Variants in MCTP1 observed in about 807,000 individuals in gnomAD.
The protein encoded by MCTP1 is multiple C2 and transmembrane domain-containing protein 1.
MCTP1 carries 69 observed loss-of-function variants against 120.6 expected under a neutral mutation model. The observed-to-expected ratio is 0.57, with a 90% confidence interval of 0.47 to 0.70. The LOEUF (loss-of-function observed/expected upper bound fraction) is 0.70. Ranked by LOEUF, MCTP1 falls within the 30% of genes least tolerant of loss-of-function variation. MCTP1 has a pLI of 0.00. For synonymous variants in MCTP1, 529 were observed against 493.1 expected (o/e 1.07, Z -0.96); for missense variants, 1,203 against 1,248.8 (o/e 0.96, Z 0.55).
intron 1 of MCTP1, among the ~76,000 whole-genome samples, chr5:95,121,242 C>T (rs1179929833): frequency 1.5e-5 from 2 of 129,260 alleles, no homozygotes; most frequent in African/African-American, 5.8e-5. Flanking sequence ...CATGCCACTG[C>T]ACTCCAGCCT....
chr5:95,134,294 T>G (rs1013453294), intron 1 of MCTP1, among the ~76,000 whole-genome samples: 14 of 152,256 alleles, frequency 9.2e-5, no homozygotes. Context: ...TTTGAATATT[T>G]TATCTGGCCC....
intron 2 of MCTP1, among the ~76,000 whole-genome samples, chr5:94,988,931 A>G (rs1436603875): frequency 1.3e-5 from 2 of 152,102 alleles, no homozygotes; most frequent in Non-Finnish European, 1.5e-5. Context: ...GAACTAACTC[A>G]TATCATGAGA....
intron 1 of MCTP1, among the ~76,000 whole-genome samples, chr5:95,228,090 A>G (rs1315749128): frequency 6.6e-6 from 1 of 152,194 alleles, no homozygotes; most frequent in Non-Finnish European, 1.5e-5. Context: ...GAGATTTCCA[A>G]TAAGTTGATC....
intron 2 of MCTP1, chr5:94,979,742 C>T (rs986764484): frequency 7.2e-5 from 11 of 151,960 alleles, no homozygotes; most frequent in Non-Finnish European, 1.5e-4. Flanking sequence ...ACTAGGGGCC[C>T]GTGATGACTG....
chr5:94,730,576 GT>G (rs1561539588), intron 19 of MCTP1, among the ~76,000 whole-genome samples: 1 of 152,158 alleles, frequency 6.6e-6, no homozygotes, highest in Non-Finnish European at 1.5e-5. Flanking sequence ...CCTCAGTCTT[GT>G]TTGTGCCAAA....
chr5:94,873,876 A>AT (rs34390357), intron 12 of MCTP1, among the ~76,000 whole-genome samples: 6,405 of 146,880 alleles, frequency 0.044, 175 homozygotes, highest in Non-Finnish European at 0.056. Flanking sequence ...AAAGAGCAGT[A>AT]TTTTTTTTTT....
chr5:94,904,710 T>G (rs1806359853), intron 10 of MCTP1, among the ~76,000 whole-genome samples: 1 of 152,256 alleles, frequency 6.6e-6, no homozygotes, highest in African/African-American at 2.4e-5. Context: ...TAAGTCATGT[T>G]GTTCTAATTG....
chr5:94,856,374 A>G (rs1213535933), intron 17 of MCTP1, among the ~76,000 whole-genome samples: 5 of 151,752 alleles, frequency 3.3e-5, no homozygotes, highest in Non-Finnish European at 5.9e-5. Context: ...GTCCTTGAGG[A>G]TTAAGGAAAT....
At chr5:95,209,923 T>C (rs895172022) in intron 1 of MCTP1, among the ~76,000 whole-genome samples, 28 of 152,238 alleles carry the variant, frequency 1.8e-4, no homozygotes, top group Non-Finnish European at 2.4e-4. Flanking sequence ...CTTCATTTCG[T>C]TATGTACCCA....
intron 18 of MCTP1, among the ~76,000 whole-genome samples, chr5:94,787,771 C>A (rs1473414153): frequency 2.0e-5 from 3 of 152,108 alleles, no homozygotes; most frequent in African/African-American, 7.2e-5. Flanking sequence ...TGCCCGCCAT[C>A]GCGCCCGGCT....
chr5:94,737,629 A>T (rs999875990), intron 19 of MCTP1, among the ~76,000 whole-genome samples: 1 of 152,206 alleles, frequency 6.6e-6, no homozygotes. Flanking sequence ...ATAACCAGTT[A>T]CATAAGTTAT....
At chr5:94,938,499 C>T (rs1328344743) in intron 5 of MCTP1, among the ~76,000 whole-genome samples, 2 of 152,026 alleles carry the variant, frequency 1.3e-5, no homozygotes, top group East Asian at 3.9e-4. Context: ...GCCTATTTTA[C>T]ACTTCATATC....
chr5:95,238,726 G>T (rs1755834626), intron 1 of MCTP1, among the ~76,000 whole-genome samples: 1 of 152,064 alleles, frequency 6.6e-6, no homozygotes, highest in South Asian at 2.1e-4. Flanking sequence ...CTTCCAATTA[G>T]TCCTTAAAAT....
intron 1 of MCTP1, among the ~76,000 whole-genome samples, chr5:95,163,778 C>T (rs932974753): frequency 6.6e-6 from 1 of 152,036 alleles, no homozygotes; most frequent in Non-Finnish European, 1.5e-5. Flanking sequence ...ACTAATCAGC[C>T]GTGTGGTCTT....
At chr5:94,856,064 A>G (rs1036437442) in intron 17 of MCTP1, among the ~76,000 whole-genome samples, 27 of 151,784 alleles carry the variant, frequency 1.8e-4, no homozygotes, top group African/African-American at 6.5e-4. Context: ...AATATTGTTA[A>G]TATAGCCTTA....
intron 1 of MCTP1, among the ~76,000 whole-genome samples, chr5:95,133,422 A>G (rs1296366983): frequency 6.6e-6 from 1 of 152,236 alleles, no homozygotes. Context: ...CTGTAATCCC[A>G]GTACTTTGGG....
intron 2 of MCTP1, chr5:94,976,757 T>G (rs1032907886): frequency 6.6e-6 from 1 of 152,154 alleles, no homozygotes; most frequent in African/African-American, 2.4e-5. Flanking sequence ...CTCACTGATG[T>G]GTGTTTCCTC....
rs145650010 is a variant in MCTP1, at chr5:95,106,950, A to AAGCT, written c.721-89470_721-89467dup. 7.4e-3 allele frequency among the ~76,000 whole-genome samples: 1,131 copies of AAGCT among 152,352 alleles called. 6 individuals are homozygous for AAGCT. The highest frequency in any genetic ancestry group is 0.014 in the Middle Eastern group (4 of 294). On this transcript the variant is annotated intron_variant, in intron 1 of 22. Transcript: ENST00000515393. ...AGTGAAGAATAAAATTATCTTTGAG[A>AAGCT]AGCTATTCAATGAGAATCAGAATCT...
At chr5:94,748,639 A>C (rs542160543) in intron 19 of MCTP1, among the ~76,000 whole-genome samples, 7 of 152,326 alleles carry the variant, frequency 4.6e-5, no homozygotes, top group African/African-American at 1.4e-4. Flanking sequence ...AATGTAATGG[A>C]AAATATAGTT....
Sources: allele counts gnomAD v4.1 joint callset (sites outside exome capture counted in the v4.1 genomes callset), GRCh38; gene constraint gnomAD v4.1.1; transcripts MANE v1.5; gene names NCBI Gene and HGNC (gene_info 2026-07-23, HGNC 2026-07-21).